Variants in DLG1 observed in about 807,000 individuals in gnomAD.
The protein encoded by DLG1 is disks large homolog 1.
Under a neutral mutation model 123.4 loss-of-function variants are expected in DLG1, and 42 were observed. That is an observed-to-expected ratio of 0.34 (90% CI 0.27 to 0.44). DLG1 has a LOEUF of 0.44. Among genes scored for constraint, DLG1 ranks in the 20% least tolerant of loss-of-function variants. DLG1 has a pLI of 1.00. For synonymous variants in DLG1, 317 were observed against 356.2 expected (o/e 0.89, Z 1.24); for missense variants, 942 against 1,082.6 (o/e 0.87, Z 1.82).
At position 197,104,911 on chromosome 3, in the gene DLG1, C is replaced by A. The variant is rs751111390; in HGVS notation, c.1538G>T (p.Arg513Leu). Residue 513 changes from arginine (R) to leucine (L), a missense_variant, in exon 14 of 25, where the codon CGA (arginine) becomes CTA (leucine). Physicochemically the swap from Arg to Leu is moderately radical, Grantham distance 102. Coordinates refer to ENST00000667157, the MANE Select transcript of DLG1 (RefSeq NM_001366207.1). ...AATAAGAATGTTATTACCTTCAGGT[C>A]GATATTGTGCAACAATTGTGACAGC... Reference protein sequence around the residue: ...GQAVTIVAQYRPEEYSRFEAK... With the variant: ...GQAVTIVAQYLPEEYSRFEAK... 6.2e-7 allele frequency: 1 copy of A among 1,608,518 alleles called. No homozygotes were observed. Among genetic ancestry groups the A allele is most frequent in the South Asian group, 1.1e-5 (1 of 90,604 alleles).
At chr3:197,252,296 T>C (rs1754816058) in intron 4 of DLG1, among the ~76,000 whole-genome samples, 1 of 152,178 alleles carries the variant, frequency 6.6e-6, no homozygotes, top group African/African-American at 2.4e-5. Flanking sequence ...ACTGTTTTCA[T>C]AGCAATATTA....
At chr3:197,119,822 TAATAAA>T (rs1407736288) in intron 11 of DLG1, among the ~76,000 whole-genome samples, 1 of 152,058 alleles carries the variant, frequency 6.6e-6, no homozygotes, top group Non-Finnish European at 1.5e-5. Context: ...TGATTGTGAA[TAATAAA>T]AATCAGAGGC....
intron 22 of DLG1, among the ~76,000 whole-genome samples, chr3:197,064,341 C>T (rs775884746): frequency 2.0e-5 from 3 of 151,972 alleles, no homozygotes; most frequent in African/African-American, 7.3e-5. Flanking sequence ...TTAAGGCATG[C>T]ACTGCCAAGC....
intron 24 of DLG1, among the ~76,000 whole-genome samples, chr3:197,048,241 C>T (rs767013296): frequency 1.1e-4 from 17 of 152,086 alleles, no homozygotes; most frequent in Non-Finnish European, 2.2e-4. Flanking sequence ...GAGGCTGAGA[C>T]GGGCAGATCA....
At chr3:197,184,675 T>A (rs917109068) in intron 5 of DLG1, among the ~76,000 whole-genome samples, 1 of 152,202 alleles carries the variant, frequency 6.6e-6, no homozygotes, top group African/African-American at 2.4e-5. Context: ...ATCAGCATCA[T>A]CTCTCTAGTA....
intron 13 of DLG1, among the ~76,000 whole-genome samples, chr3:197,112,149 T>C (rs1238944327): frequency 3.9e-5 from 6 of 152,348 alleles, no homozygotes; most frequent in African/African-American, 1.4e-4. Context: ...ATGAATGTTG[T>C]TATTTTTTTC....
intron 5 of DLG1, among the ~76,000 whole-genome samples, chr3:197,190,266 CAGAT>C (rs1033035354): frequency 2.6e-4 from 40 of 152,150 alleles, no homozygotes; most frequent in African/African-American, 7.7e-4. Context: ...TAGCTCAACA[CAGAT>C]AGCACAGTAG....
chr3:197,056,475 C>T (rs370490724), intron 23 of DLG1, among the ~76,000 whole-genome samples: 1 of 152,092 alleles, frequency 6.6e-6, no homozygotes, highest in Admixed American at 6.5e-5. Context: ...AATTAATGCT[C>T]ATAAATTAGT....
chr3:197,171,794 CA>C (rs929611274), intron 5 of DLG1, among the ~76,000 whole-genome samples: 3 of 152,092 alleles, frequency 2.0e-5, no homozygotes, highest in South Asian at 2.1e-4. Context: ...ACATAATTGA[CA>C]AATGGGGATA....
At chr3:197,238,072 T>G (rs1746938542) in intron 4 of DLG1, among the ~76,000 whole-genome samples, 1 of 152,162 alleles carries the variant, frequency 6.6e-6, no homozygotes, top group Admixed American at 6.5e-5. Flanking sequence ...AGGAGTATTC[T>G]CTCTTAGGTG....
At chr3:197,258,570 G>A (rs1757929853) in intron 4 of DLG1, among the ~76,000 whole-genome samples, 4 of 152,146 alleles carry the variant, frequency 2.6e-5, no homozygotes, top group Admixed American at 2.6e-4. Context: ...GAGAGGGGAG[G>A]CGGATGATGA....
At chr3:197,274,352 T>C (rs1045447089) in intron 4 of DLG1, among the ~76,000 whole-genome samples, 15 of 152,168 alleles carry the variant, frequency 9.9e-5, no homozygotes, top group African/African-American at 3.4e-4. Context: ...AAAAGGACAG[T>C]CTCTTCGATA....
intron 4 of DLG1, among the ~76,000 whole-genome samples, chr3:197,271,665 G>A (rs1244350776): frequency 6.6e-6 from 1 of 152,034 alleles, no homozygotes; most frequent in Non-Finnish European, 1.5e-5. Context: ...AAATAGACTG[G>A]GGACAATTTT....
intron 4 of DLG1, among the ~76,000 whole-genome samples, chr3:197,279,237 C>T (rs543893616): frequency 6.6e-6 from 1 of 152,224 alleles, no homozygotes; most frequent in East Asian, 1.9e-4. Context: ...CAATTAAATC[C>T]CCAAACATTC....
chr3:197,179,275 A>C (rs1005814935), intron 5 of DLG1, among the ~76,000 whole-genome samples: 12 of 152,122 alleles, frequency 7.9e-5, no homozygotes, highest in Non-Finnish European at 1.3e-4. Context: ...GCTTGGTACC[A>C]AGTGGATAAT....
At chr3:197,275,842 T>C (rs2151089161) in intron 4 of DLG1, among the ~76,000 whole-genome samples, 1 of 152,198 alleles carries the variant, frequency 6.6e-6, no homozygotes, top group South Asian at 2.1e-4. Context: ...TAACAACAAT[T>C]TATTGTATAT....
chr3:197,122,783 G>A (rs923559423), intron 11 of DLG1, among the ~76,000 whole-genome samples: 4 of 152,040 alleles, frequency 2.6e-5, no homozygotes, highest in Middle Eastern at 3.2e-3. Flanking sequence ...TAAAAGAAGA[G>A]ATATTCATAT....
At position 197,043,026 on chromosome 3, in the gene DLG1, T is replaced by C. The variant is rs1193050690; in HGVS notation, c.*1597A>G. ...ACAAACCAGTACTCATTTAAGAAAC[T>C]AATGAGGAGGTTGTCAAAAACACAT... On this transcript the variant is annotated 3_prime_UTR_variant, in exon 25 of 25. Transcript: ENST00000667157. 1 of 152,204 alleles carries C rather than the reference T, an allele frequency of 6.6e-6. No homozygotes were observed. The highest frequency in any genetic ancestry group is 1.9e-4 in the East Asian group (1 of 5,204). 9.4% of individuals were successfully genotyped at this position (152,204 alleles called of 1,614,324 possible).
intron 4 of DLG1, among the ~76,000 whole-genome samples, chr3:197,244,110 T>A (rs539336404): frequency 5.9e-5 from 9 of 152,304 alleles, no homozygotes; most frequent in African/African-American, 2.2e-4. Context: ...GCTCACTGCA[T>A]CCCTTTAGGT....
Sources: gnomAD v4.1 joint callset for allele counts (sites outside exome capture counted in the v4.1 genomes callset) on GRCh38, gnomAD v4.1.1 for gene constraint, MANE v1.5 for transcripts, NCBI Gene and HGNC (gene_info 2026-07-23, HGNC 2026-07-21) for gene names.